PTPRD: variants seen among roughly 807,000 people sequenced by gnomAD.
PTPRD encodes protein tyrosine phosphatase receptor type D, also known as receptor-type tyrosine-protein phosphatase delta.
In PTPRD, 34 loss-of-function variants were observed where a neutral mutation model predicts 214.5. The observed-to-expected ratio is 0.16, with a 90% CI of 0.12 to 0.21. PTPRD has a LOEUF of 0.21. Among genes scored for constraint, PTPRD ranks in the 10% least tolerant of loss-of-function variants. The pLI is 1.00. For synonymous variants in PTPRD, 1,128 were observed against 845.7 expected, an observed-to-expected ratio of 1.33 and a Z score of -5.79; for missense variants, 2,545 against 2,398.7, an observed-to-expected ratio of 1.06 and a Z score of -1.27.
intron 3 of PTPRD, among the ~76,000 whole-genome samples, chr9:10,192,227 G>A (rs986790102): frequency 2.6e-5 from 4 of 152,050 alleles, no homozygotes; most frequent in African/African-American, 9.7e-5. Context: ...GAAAGGAAGT[G>A]AAGATTTTTG....
chr9:9,185,024 T>A (rs1316695439), intron 9 of PTPRD, among the ~76,000 whole-genome samples: 8 of 152,026 alleles, frequency 5.3e-5, no homozygotes, highest in Admixed American at 5.3e-4. Flanking sequence ...CTTATAGGCC[T>A]CTATTTGTGG....
intron 7 of PTPRD, among the ~76,000 whole-genome samples, chr9:9,698,704 C>T (rs927787200): frequency 3.3e-5 from 5 of 152,150 alleles, no homozygotes; most frequent in Admixed American, 2.6e-4. Flanking sequence ...AGGTCTCCTG[C>T]CAGTGCACCC....
intron 12 of PTPRD, among the ~76,000 whole-genome samples, chr9:8,660,176 C>T (rs1394186093): frequency 6.6e-6 from 1 of 152,172 alleles, no homozygotes; most frequent in Non-Finnish European, 1.5e-5. Context: ...TGAAATCTTT[C>T]TGAAATATAG....
intron 9 of PTPRD, among the ~76,000 whole-genome samples, chr9:9,302,251 C>T (rs1955583281): frequency 6.6e-6 from 1 of 151,870 alleles, no homozygotes; most frequent in African/African-American, 2.4e-5. Context: ...CTGGCCCTAT[C>T]TGACAGGAAT....
chr9:8,666,027 C>T (rs10977242), intron 12 of PTPRD, among the ~76,000 whole-genome samples: 2,628 of 145,558 alleles, frequency 0.018, 45 homozygotes, highest in Non-Finnish European at 0.029. Flanking sequence ...CACATTTAGG[C>T]GTTTCATAAC....
chr9:9,258,540 T>C (rs1774569140), intron 9 of PTPRD, among the ~76,000 whole-genome samples: 2 of 151,998 alleles, frequency 1.3e-5, no homozygotes, highest in Admixed American at 1.3e-4. Flanking sequence ...AACTTATGTC[T>C]GAGAAGCATT....
chr9:10,013,747 G>A (rs1458437239), intron 4 of PTPRD, among the ~76,000 whole-genome samples: 1 of 151,878 alleles, frequency 6.6e-6, no homozygotes, highest in African/African-American at 2.4e-5. Context: ...TCAAGGTGCT[G>A]TTTCAATGAA....
At chr9:8,718,257 T>C (rs1363692033) in intron 12 of PTPRD, among the ~76,000 whole-genome samples, 1 of 152,154 alleles carries the variant, frequency 6.6e-6, no homozygotes, top group Non-Finnish European at 1.5e-5. Flanking sequence ...TTTAAGCCAA[T>C]TATTCCCTGC....
At chr9:10,384,749 G>C (rs1446869569) in intron 2 of PTPRD, among the ~76,000 whole-genome samples, 3 of 140,226 alleles carry the variant, frequency 2.1e-5, no homozygotes, top group Middle Eastern at 3.5e-3. Flanking sequence ...ACTGAAAAAA[G>C]GATAATCTCT....
At chr9:10,194,337 TATATATATAGAGAGAGAGAGAGAG>T (rs1434211642) in intron 3 of PTPRD, among the ~76,000 whole-genome samples, 2,012 of 70,032 alleles carry the variant, frequency 0.029, 10 homozygotes, top group Non-Finnish European at 0.037. Context: ...TATATATATA[TATATATATAGAGAGAGAGAGAGAG>T]AGAGAGAGAG....
chr9:10,132,963 T>TCAAAAGCA, intron 3 of PTPRD, among the ~76,000 whole-genome samples: 1 of 58,170 alleles, frequency 1.7e-5, no homozygotes, highest in Non-Finnish European at 3.8e-5. Flanking sequence ...GATTGTTATT[T>TCAAAAGCA]TGTAGCTTCT....
chr9:10,536,953 T>C (rs960002775), intron 2 of PTPRD, among the ~76,000 whole-genome samples: 2 of 152,154 alleles, frequency 1.3e-5, no homozygotes, highest in East Asian at 3.9e-4. Context: ...GTACGGTTAT[T>C]AGGTAATTCA....
chr9:8,907,356 A>G, intron 11 of PTPRD, among the ~76,000 whole-genome samples: 1 of 151,840 alleles, frequency 6.6e-6, no homozygotes, highest in East Asian at 1.9e-4. Flanking sequence ...TAGTATTTAA[A>G]GAAACGGAGA....
At chr9:9,904,033 T>C (rs1007740489) in intron 5 of PTPRD, among the ~76,000 whole-genome samples, 3 of 152,140 alleles carry the variant, frequency 2.0e-5, no homozygotes, top group African/African-American at 4.8e-5. Flanking sequence ...CCTGGCAAAG[T>C]TCAGTCCTCC....
At chr9:8,441,363 G>A (rs1017372539) in intron 34 of PTPRD, among the ~76,000 whole-genome samples, 1 of 152,028 alleles carries the variant, frequency 6.6e-6, no homozygotes, top group Non-Finnish European at 1.5e-5. Context: ...GACTTGCTCT[G>A]CCAAGTGGGA....
intron 2 of PTPRD, among the ~76,000 whole-genome samples, chr9:10,554,150 A>G (rs932031085): frequency 1.3e-5 from 2 of 152,202 alleles, no homozygotes; most frequent in Non-Finnish European, 2.9e-5. Context: ...TTTAGTGTAT[A>G]ACTCAACCCT....
At chr9:8,323,339 A>G (rs905101854) in intron 44 of PTPRD, among the ~76,000 whole-genome samples, 64 of 152,194 alleles carry the variant, frequency 4.2e-4, no homozygotes, top group African/African-American at 1.5e-3. Flanking sequence ...TTTCAACTTT[A>G]AAGTTTTGTT....
chr9:8,854,897 G>C lies in PTPRD; in HGVS notation c.-103-120951C>G, dbSNP rs530553024. On this transcript the variant is annotated intron_variant, in intron 11 of 45. Coordinates refer to ENST00000381196, the MANE Select transcript of PTPRD (RefSeq NM_002839.4). ...AGTCCAATAAAGAAAAGTTATTAATGTTCCTTCTTGTTTATCTTTGTCATA... is the reference window on the plus strand; with the variant it reads ...AGTCCAATAAAGAAAAGTTATTAATCTTCCTTCTTGTTTATCTTTGTCATA... 2.4e-4 allele frequency among the ~76,000 whole-genome samples: 36 copies of C among 152,212 alleles called. 1 individual carries two copies. In the East Asian group the frequency reaches 7.0e-3, roughly 29 times the overall value.
intron 8 of PTPRD, among the ~76,000 whole-genome samples, chr9:9,399,320 C>T (rs748116436): frequency 7.2e-5 from 11 of 151,916 alleles, no homozygotes; most frequent in Non-Finnish European, 1.2e-4. Context: ...GATAGTTCAA[C>T]GTTCAGCTTC....
Sources: allele counts gnomAD v4.1 joint callset (sites outside exome capture counted in the v4.1 genomes callset), GRCh38; gene constraint gnomAD v4.1.1; transcripts MANE v1.5; gene names NCBI Gene and HGNC (gene_info 2026-07-23, HGNC 2026-07-21).